ANKRD6: variants seen among roughly 807,000 people sequenced by gnomAD.
The protein encoded by ANKRD6 is ankyrin repeat domain 6, also known as ankyrin repeat domain-containing protein 6.
ANKRD6 carries 56 observed loss-of-function variants against 82.3 expected under a neutral mutation model. The ratio of observed to expected loss-of-function variants is 0.68; its 90% CI spans 0.55 to 0.85. ANKRD6 has a LOEUF of 0.85. Among genes scored for constraint, ANKRD6 ranks in the 40% least tolerant of loss-of-function variants. The pLI is 0.00. For missense variants in ANKRD6, 852 were observed against 907.6 expected, an observed-to-expected ratio of 0.94 and a Z score of 0.79; for synonymous variants, 347 against 352.1, an observed-to-expected ratio of 0.99 and a Z score of 0.16.
At chr6:89,545,950 G>C (rs1785029762) in intron 1 of ANKRD6, among the ~76,000 whole-genome samples, 1 of 152,096 alleles carries the variant, frequency 6.6e-6, no homozygotes, top group Non-Finnish European at 1.5e-5. Context: ...GACCACAGGT[G>C]CCCACCACCA....
rs34990951 is a variant in ANKRD6, at chr6:89,440,806, GA to G, written c.-144+7445del. On this transcript the variant is annotated intron_variant, in intron 1 of 15. Coordinates refer to ENST00000339746, the MANE Select transcript of ANKRD6 (RefSeq NM_001242809.2). ...AGGCAACATAGCAAGATCCCATCTC[GA>G]AAAAAAAAAAAAAGTTGTACTAGAC... 5.9e-3 allele frequency among the ~76,000 whole-genome samples: 823 copies of G among 139,294 alleles called. 5 individuals are homozygous for G. Among genetic ancestry groups the G allele is most frequent in the South Asian group, 0.016 (68 of 4,336 alleles). 91.4% of individuals were successfully genotyped at this position (139,294 alleles called of 152,430 possible). A position where few individuals can be genotyped will look rare whatever the true frequency, so the allele number is the denominator to read the frequency against.
At chr6:89,616,965 C>T (rs1251751569) in intron 8 of ANKRD6, 1 of 532,052 alleles carries the variant, frequency 1.9e-6, no homozygotes, top group Non-Finnish European at 3.6e-6. Flanking sequence ...AAGTGAGTTC[C>T]AAGCTGTAAA....
In ANKRD6 at chr6:89,621,992, A is replaced by G. The variant is rs1803525804; in HGVS notation, c.863A>G (p.Gln288Arg). The change falls in exon 10 of 16, where the codon CAG becomes CGG. Residue 288 changes from glutamine to arginine, a missense_variant. Physicochemically the swap from Gln to Arg is conservative, Grantham distance 43. Transcript: ENST00000339746. ...RERLKEERRA[Q>R]SVPRDEVAQS... ...AGGCTCAAGGAAGAGAGGAGAGCCC[A>G]GTCTGTGCCAAGAGATGAGGTGGCC... The G allele has an allele frequency of 6.2e-7, 1 of 1,612,642 alleles. No homozygotes were observed. The highest frequency in any genetic ancestry group is 1.3e-5 in the African/African-American group (1 of 74,904).
At position 89,633,204 on chromosome 6, in the gene ANKRD6, A is replaced by AGAAGAAGAAACAAATAGAGGT; in HGVS notation, c.*2203_*2223dup. The AGAAGAAGAAACAAATAGAGGT allele has an allele frequency of 6.6e-6, 1 of 152,194 alleles. No individual in the cohort carries two copies. The highest frequency in any genetic ancestry group is 2.1e-4 in the South Asian group (1 of 4,830). The allele number at this position is 152,194 out of a possible 1,614,324, so 9.4% of individuals were successfully genotyped here. On this transcript the variant is annotated 3_prime_UTR_variant, in exon 16 of 16. Coordinates refer to ENST00000339746, the MANE Select transcript of ANKRD6 (RefSeq NM_001242809.2). ...ATCTTGTCTCTTGGAGGTCTGTCGT[A>AGAAGAAGAAACAAATAGAGGT]GAAGAAGAAACAAATAGAGGTGATG...
intron 2 of ANKRD6, among the ~76,000 whole-genome samples, chr6:89,591,701 G>A (rs1021347966): frequency 6.6e-5 from 10 of 152,230 alleles, no homozygotes; most frequent in African/African-American, 2.4e-4. Context: ...CCAAGTACAT[G>A]TCTGCTGCTT....
intron 1 of ANKRD6, among the ~76,000 whole-genome samples, chr6:89,552,638 C>T (rs1057445350): frequency 5.3e-5 from 8 of 152,186 alleles, no homozygotes; most frequent in African/African-American, 1.7e-4. Context: ...GGCATACATA[C>T]ACCCTAATAT....
At chr6:89,551,834 G>T (rs1380535445) in intron 1 of ANKRD6, among the ~76,000 whole-genome samples, 1 of 152,190 alleles carries the variant, frequency 6.6e-6, no homozygotes, top group Non-Finnish European at 1.5e-5. Flanking sequence ...TGAGAGAGAT[G>T]TTTATTTTAA....
intron 11 of ANKRD6, 55 bp from the exon 12 acceptor site, chr6:89,623,817 G>A (rs1804561157): frequency 6.5e-7 from 1 of 1,539,998 alleles, no homozygotes; most frequent in Non-Finnish European, 8.8e-7. Context: ...ACCGACTGGT[G>A]TCAGTCTTGC....
At chr6:89,617,909 G>A (rs376039874) in intron 8 of ANKRD6, 45 bp from the exon 9 acceptor site, 1 of 1,584,206 alleles carries the variant, frequency 6.3e-7, no homozygotes, top group Non-Finnish European at 8.7e-7. Context: ...TGTGCGTGTG[G>A]GACCCGTGGC....
At chr6:89,547,202 G>T (rs1006914914) in intron 1 of ANKRD6, among the ~76,000 whole-genome samples, 8 of 152,036 alleles carry the variant, frequency 5.3e-5, no homozygotes, top group East Asian at 1.9e-4. Context: ...TTATTTGGGG[G>T]GGGGGTTACA....
intron 1 of ANKRD6, among the ~76,000 whole-genome samples, chr6:89,564,684 A>C (rs1286124714): frequency 2.0e-5 from 3 of 152,062 alleles, no homozygotes; most frequent in Non-Finnish European, 2.9e-5. Context: ...AGCAAAAAAA[A>C]CCTCTACCCT....
At chr6:89,616,268 G>T (rs929566988) in intron 7 of ANKRD6, 11 of 393,008 alleles carry the variant, frequency 2.8e-5, no homozygotes, top group Non-Finnish European at 5.1e-5. Flanking sequence ...GAGGCTTCAG[G>T]TCCCACCATT....
chr6:89,466,898 G>A lies in ANKRD6; in HGVS notation c.-144+33523G>A, dbSNP rs376585925. On this transcript the variant is annotated intron_variant, in intron 1 of 15. Coordinates refer to ENST00000339746, the MANE Select transcript of ANKRD6 (RefSeq NM_001242809.2). Reference sequence around the variant, plus strand: ...ATTTTTAATCTTTTTATAGAAATGGGGTCTTATCTTGTTTTCCAGGCTGGT... The same window carrying A: ...ATTTTTAATCTTTTTATAGAAATGGAGTCTTATCTTGTTTTCCAGGCTGGT... Among the ~76,000 whole-genome samples, 13 of 152,054 alleles carry A rather than the reference G, an allele frequency of 8.5e-5. No homozygotes were observed. The East Asian group carries it at 1.9e-3, about 23-fold the overall frequency.
chr6:89,626,237 G>C (rs1303858469), intron 13 of ANKRD6, among the ~76,000 whole-genome samples: 1 of 152,160 alleles, frequency 6.6e-6, no homozygotes, highest in African/African-American at 2.4e-5. Context: ...ACTTCGCCTA[G>C]CCTAAGCTGA....
At chr6:89,590,267 C>T (rs1472303160) in intron 2 of ANKRD6, among the ~76,000 whole-genome samples, 1 of 152,060 alleles carries the variant, frequency 6.6e-6, no homozygotes, top group Non-Finnish European at 1.5e-5. Flanking sequence ...CTGGAGCAGG[C>T]CTGAAGTGCG....
chr6:89,457,276 A>G (rs77888185), intron 1 of ANKRD6, among the ~76,000 whole-genome samples: 1,906 of 152,288 alleles, frequency 0.013, 44 homozygotes, highest in African/African-American at 0.044. Context: ...GCCTTGATCC[A>G]CTGTGGAGGA....
At chr6:89,507,632 G>A (rs1780031370) in intron 1 of ANKRD6, among the ~76,000 whole-genome samples, 1 of 152,156 alleles carries the variant, frequency 6.6e-6, no homozygotes, top group African/African-American at 2.4e-5. Context: ...GGTTACCTTT[G>A]ATATTATGGT....
At chr6:89,600,685 G>A (rs752555787) in intron 3 of ANKRD6, among the ~76,000 whole-genome samples, 24 of 152,074 alleles carry the variant, frequency 1.6e-4, no homozygotes, top group African/African-American at 5.6e-4. Flanking sequence ...GGGAAATTCC[G>A]TCACCATTCT....
At chr6:89,567,952 G>A (rs1193568272) in intron 2 of ANKRD6, among the ~76,000 whole-genome samples, 3 of 152,210 alleles carry the variant, frequency 2.0e-5, no homozygotes. Flanking sequence ...TTTCATAGAA[G>A]GTCACCTGTT....
Sources: allele counts gnomAD v4.1 joint callset (sites outside exome capture counted in the v4.1 genomes callset), GRCh38; gene constraint gnomAD v4.1.1; transcripts MANE v1.5; gene names NCBI Gene and HGNC (gene_info 2026-07-23, HGNC 2026-07-21).